The following PPARD variants were observed in gnomAD, a reference collection of about 807,000 sequenced individuals.
PPARD encodes the protein peroxisome proliferator-activated receptor delta.
Under a neutral mutation model 39.5 loss-of-function variants are expected in PPARD, and 6 were observed. The observed-to-expected ratio is 0.15, with a 90% CI of 0.08 to 0.30. The LOEUF (loss-of-function observed/expected upper bound fraction) is 0.30, where lower values mean the gene tolerates loss of function less well. Among genes scored for constraint, PPARD ranks in the 10% least tolerant of loss-of-function variants. The pLI, the probability that PPARD is intolerant of heterozygous loss-of-function variation, is 1.00. For synonymous variants in PPARD, 210 were observed against 231.3 expected (o/e 0.91, Z 0.83); for missense variants, 397 against 596.8 (o/e 0.67, Z 3.49).
chr6:35,365,991 G>A (rs1175084161), intron 2 of PPARD, among the ~76,000 whole-genome samples: 4 of 151,746 alleles, frequency 2.6e-5, no homozygotes, highest in Non-Finnish European at 5.9e-5. Flanking sequence ...GTGAGTGAGC[G>A]CTGGTATCTG....
At chr6:35,373,168 T>G (rs1762595062) in intron 2 of PPARD, among the ~76,000 whole-genome samples, 2 of 152,190 alleles carry the variant, frequency 1.3e-5, no homozygotes, top group South Asian at 4.1e-4. Context: ...AGAGCCTTCA[T>G]GACCTAAACA....
chr6:35,393,549 A>C (rs1764139370), intron 2 of PPARD, among the ~76,000 whole-genome samples: 2 of 152,126 alleles, frequency 1.3e-5, no homozygotes, highest in Non-Finnish European at 2.9e-5. Context: ...AGTCCTGAGG[A>C]GTGAGATTGC....
At chr6:35,349,796 C>T (rs1173921021) in intron 2 of PPARD, among the ~76,000 whole-genome samples, 2 of 151,824 alleles carry the variant, frequency 1.3e-5, no homozygotes, top group Admixed American at 1.3e-4. Context: ...GGCTGGAGAG[C>T]AATGGCACAA....
intron 2 of PPARD, among the ~76,000 whole-genome samples, chr6:35,374,429 G>A (rs912462506): frequency 2.6e-5 from 4 of 151,892 alleles, no homozygotes; most frequent in Non-Finnish European, 4.4e-5. Context: ...AGGCCGAGGC[G>A]GGCGGATCAC....
At chr6:35,367,929 G>T (rs540853422) in intron 2 of PPARD, among the ~76,000 whole-genome samples, 2 of 152,352 alleles carry the variant, frequency 1.3e-5, no homozygotes, top group South Asian at 4.1e-4. Context: ...CCTCTTGATG[G>T]AAAGAGTGGC....
At chr6:35,351,861 CTTTTTTTTTTT>C (rs774957372) in intron 2 of PPARD, among the ~76,000 whole-genome samples, 13 of 87,366 alleles carry the variant, frequency 1.5e-4, no homozygotes, top group Admixed American at 3.9e-4. Flanking sequence ...CACACCCAGC[CTTTTTTTTTTT>C]TTTTTTTTTT....
intron 2 of PPARD, among the ~76,000 whole-genome samples, chr6:35,384,505 C>A (rs1312897766): frequency 2.7e-5 from 3 of 112,176 alleles, no homozygotes; most frequent in African/African-American, 1.3e-4. Flanking sequence ...GCCCCCCGCC[C>A]GGCCAGCCGC....
intron 5 of PPARD, among the ~76,000 whole-genome samples, chr6:35,422,222 G>A (rs2076168): frequency 0.014 from 2,113 of 152,128 alleles, 18 homozygotes; most frequent in Middle Eastern, 0.041. Context: ...TGAGGTTTAC[G>A]CATTCTGGCC....
In PPARD at chr6:35,425,777, G is replaced by A. The variant is rs537107499; in HGVS notation, c.1079-55G>A. The A allele has an allele frequency of 4.8e-5, 76 of 1,595,494 alleles. 1 individual carries two copies. The South Asian group carries it at 6.6e-4, about 14-fold the overall frequency. On this transcript the variant is annotated intron_variant, in intron 7 of 7. Coordinates refer to ENST00000360694, the MANE Select transcript of PPARD (RefSeq NM_006238.5). The surrounding 1 kb of genome is among the most constrained non-coding windows in gnomAD (Gnocchi z 4.5). ...GGCCAAGTCACCTCTTGGGGTGGAA[G>A]TAGGGGAGCTCCACTGCCTTTCTGA...
At chr6:35,371,080 C>T (rs1762457868) in intron 2 of PPARD, among the ~76,000 whole-genome samples, 1 of 152,218 alleles carries the variant, frequency 6.6e-6, no homozygotes, top group Non-Finnish European at 1.5e-5. Context: ...ACCTTCTTTT[C>T]TTTGCATCTT....
intron 2 of PPARD, among the ~76,000 whole-genome samples, chr6:35,400,018 C>T (rs368214711): frequency 6.6e-6 from 1 of 152,160 alleles, no homozygotes; most frequent in Non-Finnish European, 1.5e-5. Context: ...AGAACGTGAA[C>T]GCTTTTAGGT....
At chr6:35,356,036 C>T in intron 2 of PPARD, among the ~76,000 whole-genome samples, 1 of 152,008 alleles carries the variant, frequency 6.6e-6, no homozygotes, top group East Asian at 1.9e-4. Context: ...CTCAGCAGCT[C>T]TCCTGAGACC....
chr6:35,347,687 C>A (rs1302002484), intron 2 of PPARD, among the ~76,000 whole-genome samples: 2 of 151,956 alleles, frequency 1.3e-5, no homozygotes, highest in Non-Finnish European at 2.9e-5. Flanking sequence ...TGGCTCACTG[C>A]CACCTCCTTC....
At chr6:35,422,108 C>A in intron 5 of PPARD, 150 bp downstream of exon 5, 1 of 995,694 alleles carries the variant, frequency 1.0e-6, no homozygotes, top group Non-Finnish European at 1.4e-6. Context: ...GTTGGCTTTG[C>A]TGATCTGGAC....
At chr6:35,351,573 G>A (rs1391918700) in intron 2 of PPARD, among the ~76,000 whole-genome samples, 2 of 152,018 alleles carry the variant, frequency 1.3e-5, no homozygotes, top group Non-Finnish European at 2.9e-5. Flanking sequence ...TTTTGTCTGA[G>A]ATAGCATCTC....
rs138945752 is a variant in PPARD at position 35,374,583 on chromosome 6, G to A, written c.-102+27433G>A. 3.2e-3 allele frequency among the ~76,000 whole-genome samples: 486 copies of A among 151,390 alleles called. 5 individuals are homozygous for A. Among genetic ancestry groups the A allele is most frequent in the African/African-American group, 0.011 (441 of 41,186 alleles). On this transcript the variant is annotated intron_variant, in intron 2 of 7. Transcript: ENST00000360694. ...TGAGGCAGGAGAATGGCGTGAACCC[G>A]GGACACAGAGCTTGCAGTGAGCTGA... is the stretch of plus-strand genomic sequence containing the variant.
intron 2 of PPARD, among the ~76,000 whole-genome samples, chr6:35,405,485 G>A (rs1764982553): frequency 6.6e-6 from 1 of 151,960 alleles, no homozygotes; most frequent in Admixed American, 6.6e-5. Flanking sequence ...GGGCAAAGCT[G>A]TGACATGATC....
chr6:35,393,079 G>A (rs951847365), intron 2 of PPARD, among the ~76,000 whole-genome samples: 4 of 152,144 alleles, frequency 2.6e-5, no homozygotes, highest in African/African-American at 7.2e-5. Context: ...CAGGAAGGGG[G>A]CCAAATTCAG....
At chr6:35,386,626 A>G (rs1763678046) in intron 2 of PPARD, among the ~76,000 whole-genome samples, 1 of 152,172 alleles carries the variant, frequency 6.6e-6, no homozygotes, top group African/African-American at 2.4e-5. Context: ...TCCACCAGAC[A>G]TAAAATAGGA....
Sources: allele counts gnomAD v4.1 joint callset (sites outside exome capture counted in the v4.1 genomes callset), GRCh38; gene constraint gnomAD v4.1.1; non-coding constraint Gnocchi (gnomAD v3.1); transcripts MANE v1.5; gene names NCBI Gene and HGNC (gene_info 2026-07-23, HGNC 2026-07-21).